POM121C: variants seen among roughly 807,000 people sequenced by gnomAD.
The protein encoded by POM121C is POM121 transmembrane nucleoporin C, also known as nuclear envelope pore membrane protein POM 121C.
Under a neutral mutation model 66.4 loss-of-function variants are expected in POM121C, and 20 were observed. The ratio of observed to expected loss-of-function variants is 0.30; its 90% CI spans 0.21 to 0.44. The LOEUF is 0.44. POM121C is among the 20% of genes least tolerant of loss of function. POM121C has a pLI of 1.00. For missense variants in POM121C, 580 were observed against 1,225.7 expected, an observed-to-expected ratio of 0.47 and a Z score of 7.87; for synonymous variants, 286 against 528.0, an observed-to-expected ratio of 0.54 and a Z score of 6.28.
chr7:75,461,599 C>T (rs1791443482), intron 3 of POM121C, among the ~76,000 whole-genome samples: 1 of 152,046 alleles, frequency 6.6e-6, no homozygotes, highest in Non-Finnish European at 1.5e-5. Context: ...GTTTTTCAGA[C>T]AGGGTTTTGC....
chr7:75,451,079 G>A (rs2599320), intron 3 of POM121C, among the ~76,000 whole-genome samples: 1 of 152,144 alleles, frequency 6.6e-6, no homozygotes, highest in African/African-American at 2.4e-5. Flanking sequence ...GGAAGAATCA[G>A]TATTGTGAAA....
At chr7:75,468,125 CTAAAAAAAAAAAAAA>C (rs1563155999) in intron 3 of POM121C, among the ~76,000 whole-genome samples, 1 of 30,048 alleles carries the variant, frequency 3.3e-5, no homozygotes, top group African/African-American at 1.5e-4. Flanking sequence ...GAGACTCTGT[CTAAAAAAAAAAAAAA>C]AAAAAAAAAA....
At chr7:75,467,261 G>A (rs1415112328) in intron 3 of POM121C, among the ~76,000 whole-genome samples, 1 of 152,176 alleles carries the variant, frequency 6.6e-6, no homozygotes, top group Non-Finnish European at 1.5e-5. Flanking sequence ...ACCGGGCGTG[G>A]TGGCTCACGC....
At chr7:75,447,973 G>C (rs1790882209) in intron 3 of POM121C, among the ~76,000 whole-genome samples, 1 of 150,070 alleles carries the variant, frequency 6.7e-6, no homozygotes. Context: ...GCAGTGAGCC[G>C]AGATCGCGCC....
intron 3 of POM121C, among the ~76,000 whole-genome samples, chr7:75,472,818 AAGGAAGGGAGGGAGGG>A (rs1252772457): frequency 2.0e-5 from 3 of 148,000 alleles, no homozygotes; most frequent in African/African-American, 7.9e-5. Context: ...AAATGGAAGG[AAGGAAGGGAGGGAGGG>A]AGGAAGGGAG....
chr7:75,442,112 A>T lies in POM121C; in HGVS notation c.-151-465T>A, dbSNP rs1790673312. On this transcript the variant is annotated intron_variant, in intron 3 of 14. Transcript: ENST00000615331. ...TCCTCGATTTCAAGCCAGCCGAGCC[A>T]GAGGATGATCTGGGAAAATCAGCGC... 3 of 1,373,882 alleles carry T rather than the reference A, an allele frequency of 2.2e-6. No homozygotes were observed. The East Asian group carries it at 8.5e-5, about 39-fold the overall frequency. 85.1% of individuals were successfully genotyped at this position (1,373,882 alleles called of 1,614,324 possible). A position where few individuals can be genotyped will look rare whatever the true frequency, so the allele number is the denominator to read the frequency against.
intron 13 of POM121C, 142 bp from the exon 14 acceptor site, chr7:75,419,584 A>G (rs1789611370): frequency 1.0e-6 from 1 of 976,152 alleles, no homozygotes; most frequent in Admixed American, 3.1e-5. Context: ...CTCCATCAGC[A>G]GCTGAGCCAG....
At chr7:75,431,352 C>T (rs1454977466) in intron 7 of POM121C, among the ~76,000 whole-genome samples, 2 of 151,888 alleles carry the variant, frequency 1.3e-5, no homozygotes, top group African/African-American at 2.4e-5. Context: ...GCCTGTAATC[C>T]CAGCACTTTG....
rs781909615 is a variant in POM121C at position 75,441,111 on chromosome 7, C to G, written c.70G>C (p.Glu24Gln). Residue 24 changes from glutamate to glutamine, a missense_variant, in exon 5 of 15, where the codon GAG (glutamate) becomes CAG (glutamine). Physicochemically the swap from Glu to Gln is conservative, Grantham distance 29. Transcript: ENST00000615331. ...DRRFSRSAIP[E>Q]QIISSTLSSP... ...GACAGTGTTGAGCTGATTATCTGCT[C>G]TGGTCTATAATGAAAGACAAGATTC... 1.6e-5 allele frequency: 26 copies of G among 1,613,774 alleles called. No homozygotes were observed. The South Asian group carries it at 2.4e-4, about 15-fold the overall frequency.
Position 75,442,805 on chromosome 7 carries a change from C to G in POM121C, c.-151-1158G>C, listed in dbSNP as rs1229198778. ...GTCATCGCGCGCCCGCCACGTCATG[C>G]GCGCGCGACTCGGGGAGACGCTACA... On this transcript the variant is annotated intron_variant, in intron 3 of 14. Transcript: ENST00000615331. The G allele has an allele frequency of 7.1e-5, 88 of 1,243,134 alleles. No individual in the cohort carries two copies. In the African/African-American group the frequency reaches 1.1e-3, roughly 15 times the overall value. 77.0% of individuals were successfully genotyped at this position (1,243,134 alleles called of 1,614,324 possible).
chr7:75,477,884 C>G (rs1388874033), intron 1 of POM121C, among the ~76,000 whole-genome samples: 1 of 152,026 alleles, frequency 6.6e-6, no homozygotes, highest in East Asian at 1.9e-4. Context: ...CAGCACACAC[C>G]AAAGAACAAC....
Position 75,424,075 on chromosome 7 carries a change from G to A in POM121C, c.1022C>T (p.Thr341Ile). The change falls in exon 12 of 15, where the codon ACT becomes ATT. Residue 341 changes from threonine to isoleucine, a missense_variant. By Grantham distance (89) the Thr-to-Ile change is moderately conservative. Transcript: ENST00000615331. ...PLLESLKKMQTPPSLPPCPES... is the reference protein window; with the variant it reads ...PLLESLKKMQIPPSLPPCPES... ...TGGGCAGGGTGGCAGGCTCGGGGGA[G>A]TCTGCATCTTCTTCAAGCTCTCTAA... is the stretch of plus-strand genomic sequence containing the variant. 6.2e-7 allele frequency: 1 copy of A among 1,611,840 alleles called. No homozygotes were observed. Among genetic ancestry groups the A allele is most frequent in the Non-Finnish European group, 8.5e-7 (1 of 1,179,802 alleles).
intron 3 of POM121C, among the ~76,000 whole-genome samples, chr7:75,457,219 G>T (rs782644883): frequency 6.9e-6 from 1 of 144,566 alleles, no homozygotes; most frequent in Non-Finnish European, 1.5e-5. Context: ...ATGAAGCAAC[G>T]ATCCAATCAA....
chr7:75,479,654 C>A (rs1554479848), intron 1 of POM121C, among the ~76,000 whole-genome samples: 1 of 141,228 alleles, frequency 7.1e-6, no homozygotes, highest in African/African-American at 2.7e-5. Flanking sequence ...TAAATAAATA[C>A]AGTTTAATTA....
At chr7:75,449,560 G>C (rs1423993609) in intron 3 of POM121C, among the ~76,000 whole-genome samples, 1 of 152,012 alleles carries the variant, frequency 6.6e-6, no homozygotes, top group Admixed American at 6.6e-5. Flanking sequence ...TAGAGACAGG[G>C]TTTCACCGTG....
At position 75,441,016 on chromosome 7, in the gene POM121C, C is replaced by T; in HGVS notation, c.165G>A (p.Lys55=). 2 of 1,613,998 alleles carry T rather than the reference C, an allele frequency of 1.2e-6. No homozygotes were observed. The highest frequency in any genetic ancestry group is 1.3e-5 in the African/African-American group (1 of 75,040). ...ETVLSALKEK[K]KKRTVEEEDQ... The stretch of plus-strand genomic sequence containing the variant: ...CTTCTTCCTCCACTGTCCTTTTCTT[C>T]TTCTTCTCTTTGAGGGCACTCAGTA... The change falls in exon 5 of 15, where the codon AAG becomes AAA. Residue 55 remains lysine (K), a synonymous_variant. Coordinates refer to ENST00000615331, the MANE Select transcript of POM121C (RefSeq NM_001099415.3).
chr7:75,486,284 A>T lies in POM121C; in HGVS notation c.-878T>A, dbSNP rs1563164294. ...AGCAAGCGATGACCTGAAGAGGCAC[A>T]GGAAGCGAGGGCAGTGCGGAGGTGG... On this transcript the variant is annotated 5_prime_UTR_variant, in exon 1 of 15. Coordinates refer to ENST00000615331, the MANE Select transcript of POM121C (RefSeq NM_001099415.3). The T allele has an allele frequency of 3.8e-6, 1 of 260,306 alleles. No homozygotes were observed. Among genetic ancestry groups the T allele is most frequent in the Non-Finnish European group, 7.5e-6 (1 of 132,636 alleles). 16.1% of individuals were successfully genotyped at this position (260,306 alleles called of 1,614,324 possible).
chr7:75,421,470 G>A, intron 13 of POM121C, 39 bp downstream of exon 13: 2 of 1,610,340 alleles, frequency 1.2e-6, no homozygotes, highest in Non-Finnish European at 1.7e-6. Context: ...CAGCTTTTCA[G>A]TGTCCGGCCC....
At chr7:75,431,074 C>CAAAA (rs34253601) in intron 7 of POM121C, among the ~76,000 whole-genome samples, 6 of 59,716 alleles carry the variant, frequency 1.0e-4, no homozygotes, top group African/African-American at 2.6e-4. Flanking sequence ...GACTCTGTCT[C>CAAAA]AAAAAAAAAA....
Sources: allele counts gnomAD v4.1 joint callset (sites outside exome capture counted in the v4.1 genomes callset), GRCh38; gene constraint gnomAD v4.1.1; transcripts MANE v1.5; gene names NCBI Gene and HGNC (gene_info 2026-07-23, HGNC 2026-07-21).